Variants in CASQ2 observed in about 807,000 individuals in gnomAD.
CASQ2 encodes calsequestrin-2.
CASQ2 carries 49 observed loss-of-function variants against 46.5 expected under a neutral mutation model. That is an observed-to-expected ratio of 1.05 (90% CI 0.84 to 1.34). The LOEUF (loss-of-function observed/expected upper bound fraction) is 1.34. Ranked by LOEUF, CASQ2 falls within the 40% of genes most tolerant of loss-of-function variation. The pLI is 0.00. For missense variants in CASQ2, 486 were observed against 481.3 expected (o/e 1.01, Z -0.09); for synonymous variants, 174 against 168.5 (o/e 1.03, Z -0.25).
intron 1 of CASQ2, among the ~76,000 whole-genome samples, chr1:115,758,380 C>T (rs776238092): frequency 3.3e-5 from 5 of 152,252 alleles, no homozygotes; most frequent in Non-Finnish European, 5.9e-5. Context: ...CTTCATTCAA[C>T]ATTCATTTGA....
At chr1:115,735,905 T>TA (rs1324819906) in intron 4 of CASQ2, among the ~76,000 whole-genome samples, 2 of 152,200 alleles carry the variant, frequency 1.3e-5, no homozygotes, top group Non-Finnish European at 2.9e-5. Context: ...CTCACGCCTG[T>TA]AATCCCAGCA....
rs533123916 is a variant in CASQ2, at chr1:115,725,628, C to T, written c.738-75G>A. 3.9e-6 allele frequency: 6 copies of T among 1,537,486 alleles called. No homozygotes were observed. In the South Asian group the frequency reaches 7.0e-5, roughly 18 times the overall value. On this transcript the variant is annotated intron_variant, in intron 6 of 10. Transcript: ENST00000261448. ...ATCACTGTGGCAGACACAGCAGCCA[C>T]AGCATTATGAAATGTAAAATGAGAT...
chr1:115,731,960 T>C (rs1201625577), intron 5 of CASQ2, among the ~76,000 whole-genome samples: 2 of 152,136 alleles, frequency 1.3e-5, no homozygotes, highest in Non-Finnish European at 2.9e-5. Context: ...ATTGCCCAGG[T>C]TGGAGTACAA....
intron 8 of CASQ2, among the ~76,000 whole-genome samples, chr1:115,714,032 G>C (rs539178084): frequency 6.6e-6 from 1 of 152,188 alleles, no homozygotes; most frequent in African/African-American, 2.4e-5. Flanking sequence ...TGCTACAGAC[G>C]TATATGCCAC....
intron 5 of CASQ2, among the ~76,000 whole-genome samples, chr1:115,729,472 G>A (rs1416889052): frequency 6.6e-6 from 1 of 152,082 alleles, no homozygotes; most frequent in African/African-American, 2.4e-5. Context: ...TGAACCCAAG[G>A]CATTATTCCA....
At chr1:115,738,409 T>C (rs1178647157) in intron 3 of CASQ2, 74 bp from the exon 4 acceptor site, 2 of 974,060 alleles carry the variant, frequency 2.1e-6, no homozygotes, top group African/African-American at 1.6e-5. Flanking sequence ...CAGAGTGCAT[T>C]GGAGGGAAGT....
intron 1 of CASQ2, among the ~76,000 whole-genome samples, chr1:115,750,201 G>GA (rs1648529487): frequency 6.6e-6 from 1 of 151,912 alleles, no homozygotes; most frequent in African/African-American, 2.4e-5. Flanking sequence ...ACATACGTGA[G>GA]AAAAAAAGGT....
chr1:115,704,576 G>T (rs1354170526), intron 9 of CASQ2, among the ~76,000 whole-genome samples: 1 of 152,026 alleles, frequency 6.6e-6, no homozygotes, highest in African/African-American at 2.4e-5. Flanking sequence ...CCAGTACCAG[G>T]GTTCAATACA....
In CASQ2 at chr1:115,747,793, T is replaced by C. The variant is rs756116667; in HGVS notation, c.235-2881A>G. On this transcript the variant is annotated intron_variant, in intron 1 of 10. Transcript: ENST00000261448. ...TGTGTTTATTGCAAGTATATAGATA[T>C]ACAATTAATTTGTTAATGTTAATGC... Among the ~76,000 whole-genome samples the C allele has an allele frequency of 3.7e-4, 57 of 152,256 alleles. 1 individual carries two copies. Among genetic ancestry groups the C allele is most frequent in the Admixed American group, 3.3e-4 (5 of 15,278 alleles).
chr1:115,757,483 C>T (rs147163169), intron 1 of CASQ2, among the ~76,000 whole-genome samples: 17 of 152,282 alleles, frequency 1.1e-4, no homozygotes, highest in Non-Finnish European at 1.8e-4. Context: ...AAAAAAAATA[C>T]CTGAATCCTG....
At chr1:115,726,068 A>G (rs1441910675) in intron 6 of CASQ2, among the ~76,000 whole-genome samples, 2 of 152,206 alleles carry the variant, frequency 1.3e-5, no homozygotes, top group African/African-American at 2.4e-5. Flanking sequence ...CTTTCTGAAT[A>G]TTGGCAAATA....
At chr1:115,740,404 TC>T (rs1648135671) in intron 3 of CASQ2, among the ~76,000 whole-genome samples, 1 of 152,146 alleles carries the variant, frequency 6.6e-6, no homozygotes, top group Admixed American at 6.5e-5. Context: ...GTTAGCCCCC[TC>T]ACTCCCCACA....
At position 115,717,911 on chromosome 1, in the gene CASQ2, A is replaced by T. The variant is rs2997741; in HGVS notation, c.784-17T>A. ...ATCATCTTCCTGTATGAGAAAAGTAACAAAAGTTACACTTCCAGCTGGAGG... is the reference window on the plus strand; with the variant it reads ...ATCATCTTCCTGTATGAGAAAAGTATCAAAAGTTACACTTCCAGCTGGAGG... On this transcript the variant is annotated splice_polypyrimidine_tract_variant and intron_variant, in intron 7 of 10. Transcript: ENST00000261448. 0.57 allele frequency: 887,512 copies of T among 1,569,936 alleles called. 252,790 individuals carry two copies. The highest frequency in any genetic ancestry group is 0.69 in the African/African-American group (51,291 of 74,040).
intron 5 of CASQ2, among the ~76,000 whole-genome samples, chr1:115,728,815 C>T (rs1647683064): frequency 6.6e-6 from 1 of 152,080 alleles, no homozygotes; most frequent in South Asian, 2.1e-4. Context: ...GGGAGCAGAG[C>T]CAGAAGTCAA....
chr1:115,754,444 T>TA (rs1183187795), intron 1 of CASQ2, among the ~76,000 whole-genome samples: 1 of 152,164 alleles, frequency 6.6e-6, no homozygotes, highest in African/African-American at 2.4e-5. Context: ...ACAACAATTT[T>TA]TAAAAAAGCA....
intron 8 of CASQ2, among the ~76,000 whole-genome samples, chr1:115,714,019 C>T (rs984282048): frequency 2.0e-5 from 3 of 152,144 alleles, no homozygotes; most frequent in African/African-American, 7.2e-5. Flanking sequence ...TAGCATAAGG[C>T]CCTGCTACAG....
chr1:115,719,767 G>T (rs1647303368), intron 7 of CASQ2, among the ~76,000 whole-genome samples: 1 of 152,154 alleles, frequency 6.6e-6, no homozygotes, highest in Non-Finnish European at 1.5e-5. Context: ...GAATAGCTGT[G>T]CTGACTTCAG....
intron 6 of CASQ2, among the ~76,000 whole-genome samples, chr1:115,726,150 G>A (rs544018932): frequency 6.6e-6 from 1 of 152,270 alleles, no homozygotes; most frequent in East Asian, 1.9e-4. Context: ...CCAGGTGAGG[G>A]GGATCACAGT....
intron 1 of CASQ2, among the ~76,000 whole-genome samples, chr1:115,763,067 C>CTTTTG (rs1418539824): frequency 2.0e-5 from 3 of 152,122 alleles, no homozygotes; most frequent in African/African-American, 4.8e-5. Context: ...GCTCAGTTTG[C>CTTTTG]TTTTGTTTTG....
Sources: gnomAD v4.1 joint callset for allele counts (sites outside exome capture counted in the v4.1 genomes callset) on GRCh38, gnomAD v4.1.1 for gene constraint, MANE v1.5 for transcripts, NCBI Gene and HGNC (gene_info 2026-07-23, HGNC 2026-07-21) for gene names.